MBOAT1: variants seen among roughly 807,000 people sequenced by gnomAD.
MBOAT1 encodes the protein membrane-bound glycerophospholipid O-acyltransferase 1.
In MBOAT1, 67 loss-of-function variants were observed where a neutral mutation model predicts 64.4. That is an observed-to-expected ratio of 1.04 (90% CI 0.85 to 1.27). MBOAT1 has a LOEUF of 1.27. Among genes scored for constraint, MBOAT1 ranks in the 50% most tolerant of loss-of-function variants. The pLI is 0.00. For missense variants in MBOAT1, 563 were observed against 604.6 expected, an observed-to-expected ratio of 0.93 and a Z score of 0.72; for synonymous variants, 229 against 218.9, an observed-to-expected ratio of 1.05 and a Z score of -0.41.
In MBOAT1 at chr6:20,212,177, G is replaced by C; in HGVS notation, c.58C>G (p.Leu20Val). The C allele has an allele frequency of 6.2e-7, 1 of 1,613,704 alleles. No individual in the cohort carries two copies. Among genetic ancestry groups the C allele is most frequent in the Non-Finnish European group, 8.5e-7 (1 of 1,179,902 alleles). ...LSYRTTGSTYLHPLSELLGIP... is the reference protein window; with the variant it reads ...LSYRTTGSTYVHPLSELLGIP... ...CCCAGGAGCTCGCTGAGCGGGTGCA[G>C]GTAGGTGGAGCCCGTGGTGCGGTAG... Residue 20 changes from leucine (L) to valine (V), a missense_variant, in exon 1 of 13, where the codon CTG (leucine) becomes GTG (valine). Physicochemically the swap from Leu to Val is conservative, Grantham distance 32. Coordinates refer to ENST00000324607, the MANE Select transcript of MBOAT1 (RefSeq NM_001080480.3).
At chr6:20,121,836 CAT>C (rs1760501303) in intron 8 of MBOAT1, among the ~76,000 whole-genome samples, 1 of 152,142 alleles carries the variant, frequency 6.6e-6, no homozygotes, top group African/African-American at 2.4e-5. Context: ...CACACACACA[CAT>C]ACACATTCAC....
At position 20,212,251 on chromosome 6, in the gene MBOAT1, G is replaced by A; in HGVS notation, c.-17C>T. The A allele has an allele frequency of 6.2e-7, 1 of 1,606,406 alleles. No homozygotes were observed. The highest frequency in any genetic ancestry group is 8.5e-7 in the Non-Finnish European group (1 of 1,177,366). The stretch of plus-strand genomic sequence containing the variant: ...TGCTGCCATCCTGCATCTTCGGGAG[G>A]TGGCTGCCCCTGTCCCAGCCCGCAA... On this transcript the variant is annotated 5_prime_UTR_variant, in exon 1 of 13. Coordinates refer to ENST00000324607, the MANE Select transcript of MBOAT1 (RefSeq NM_001080480.3).
intron 1 of MBOAT1, among the ~76,000 whole-genome samples, chr6:20,164,200 C>T (rs879368702): frequency 1.4e-5 from 2 of 147,284 alleles, no homozygotes; most frequent in Non-Finnish European, 3.0e-5. Context: ...CACACACACA[C>T]ACACAAACAC....
rs1268706534 is a variant in MBOAT1 at position 20,197,101 on chromosome 6, C to T, written c.99+15035G>A. Among the ~76,000 whole-genome samples the T allele has an allele frequency of 5.0e-5, 7 of 139,908 alleles. No individual in the cohort carries two copies. The East Asian group carries it at 1.4e-3, about 29-fold the overall frequency. The allele number at this position is 139,908 out of a possible 152,430, so 91.8% of individuals were successfully genotyped here. A position where few individuals can be genotyped will look rare whatever the true frequency, so the allele number is the denominator to read the frequency against. On this transcript the variant is annotated intron_variant, in intron 1 of 12. Coordinates refer to ENST00000324607, the MANE Select transcript of MBOAT1 (RefSeq NM_001080480.3). Reference sequence around the variant, plus strand: ...CCAGGGTGAGATGTATATGAAACCTCTCCATACTATCTTTACAAATTTTTT... The same window carrying T: ...CCAGGGTGAGATGTATATGAAACCTTTCCATACTATCTTTACAAATTTTTT...
intron 9 of MBOAT1, among the ~76,000 whole-genome samples, chr6:20,115,642 A>C (rs527751789): frequency 3.3e-5 from 5 of 152,236 alleles, no homozygotes; most frequent in Non-Finnish European, 5.9e-5. Context: ...TACTCTGGTT[A>C]AAATTTTTTA....
rs1456555119 is a variant in MBOAT1 at position 20,144,293 on chromosome 6, C to G, written c.346G>C (p.Gly116Arg). 6.2e-7 allele frequency: 1 copy of G among 1,610,546 alleles called. No homozygotes were observed. The highest frequency in any genetic ancestry group is 2.2e-5 in the East Asian group (1 of 44,810). Reference protein sequence around the residue: ...IHRYSFFVAMGYLTICHISRI... With the variant: ...IHRYSFFVAMRYLTICHISRI... Reference sequence around the variant, plus strand: ...CTGATGTGGCATATTGTAAGATATCCCATTGCTACAAAAAAGGAATATCTG... The same window carrying G: ...CTGATGTGGCATATTGTAAGATATCGCATTGCTACAAAAAAGGAATATCTG... The change falls in exon 4 of 13, where the codon GGA becomes CGA. Residue 116 changes from glycine (G) to arginine (R), a missense_variant. Coordinates refer to ENST00000324607, the MANE Select transcript of MBOAT1 (RefSeq NM_001080480.3).
intron 1 of MBOAT1, among the ~76,000 whole-genome samples, chr6:20,194,519 G>A (rs1408575346): frequency 6.6e-6 from 1 of 152,184 alleles, no homozygotes; most frequent in African/African-American, 2.4e-5. Flanking sequence ...TCAGAGACAG[G>A]GGTTAAGGGT....
At position 20,192,421 on chromosome 6, in the gene MBOAT1, C is replaced by T. The variant is rs1329842050; in HGVS notation, c.99+19715G>A. ...CCAAATTTTCCTTCCAAACACCACCCACACCCTCCTCACTGCCCAGGCATC... is the reference window on the plus strand; with the variant it reads ...CCAAATTTTCCTTCCAAACACCACCTACACCCTCCTCACTGCCCAGGCATC... On this transcript the variant is annotated intron_variant, in intron 1 of 12. Transcript: ENST00000324607. 7.2e-5 allele frequency among the ~76,000 whole-genome samples: 11 copies of T among 152,290 alleles called. No individual in the cohort carries two copies. In the East Asian group the frequency reaches 1.9e-3, roughly 27 times the overall value.
At chr6:20,175,222 GCTT>G (rs1172371178) in intron 1 of MBOAT1, among the ~76,000 whole-genome samples, 1 of 152,124 alleles carries the variant, frequency 6.6e-6, no homozygotes, top group Non-Finnish European at 1.5e-5. Flanking sequence ...CATAGACACT[GCTT>G]CTTTTTAAGT....
At chr6:20,202,622 A>G (rs530258318) in intron 1 of MBOAT1, among the ~76,000 whole-genome samples, 11 of 149,686 alleles carry the variant, frequency 7.3e-5, no homozygotes, top group Admixed American at 6.0e-4. Flanking sequence ...TTTTTTTTGG[A>G]TAACTAAAAA....
At chr6:20,142,719 G>A (rs939482948) in intron 4 of MBOAT1, among the ~76,000 whole-genome samples, 2 of 152,072 alleles carry the variant, frequency 1.3e-5, no homozygotes, top group African/African-American at 2.4e-5. Flanking sequence ...CAAAGTGCTG[G>A]AATTATAGGC....
At position 20,124,528 on chromosome 6, in the gene MBOAT1, G is replaced by C. The variant is rs760558188; in HGVS notation, c.787C>G (p.Pro263Ala). 8 of 1,614,222 alleles carry C rather than the reference G, an allele frequency of 5.0e-6. No homozygotes were observed. The highest frequency in any genetic ancestry group is 5.9e-6 in the Non-Finnish European group (7 of 1,180,038). The change falls in exon 8 of 13, where the codon CCT (proline) becomes GCT (alanine). Residue 263 changes from proline (P) to alanine (A), a missense_variant. By Grantham distance (27) the Pro-to-Ala change is conservative (BLOSUM62 -1). Coordinates refer to ENST00000324607, the MANE Select transcript of MBOAT1 (RefSeq NM_001080480.3). ...CAGTCATCCACAAGGCAGGTGACAG[G>C]AAAGGTCTTCGTTAGCGTCAAAAAC... ...LLFLTLTKTF[P>A]VTCLVDDWFV... is the part of the protein sequence containing the mutation.
intron 4 of MBOAT1, among the ~76,000 whole-genome samples, chr6:20,134,890 G>A (rs539470454): frequency 4.2e-4 from 60 of 141,900 alleles, no homozygotes; most frequent in Non-Finnish European, 7.1e-4. Flanking sequence ...GTTTATGATT[G>A]GAATTCATGT....
At chr6:20,139,798 T>TC (rs934343707) in intron 4 of MBOAT1, among the ~76,000 whole-genome samples, 4 of 150,482 alleles carry the variant, frequency 2.7e-5, no homozygotes, top group Non-Finnish European at 5.9e-5. Context: ...CAAATGATCC[T>TC]CCCACCTCAG....
chr6:20,104,659 G>A (rs1377782183), intron 12 of MBOAT1, among the ~76,000 whole-genome samples: 1 of 152,176 alleles, frequency 6.6e-6, no homozygotes, highest in Non-Finnish European at 1.5e-5. Context: ...ATGTTGGGAG[G>A]GAGGAAAGCA....
intron 1 of MBOAT1, among the ~76,000 whole-genome samples, chr6:20,202,926 T>A: frequency 6.6e-6 from 1 of 152,232 alleles, no homozygotes; most frequent in East Asian, 1.9e-4. Context: ...ATAAACTGAA[T>A]TCTTTATACA....
chr6:20,153,203 T>C (rs933873624), intron 1 of MBOAT1, among the ~76,000 whole-genome samples: 14 of 152,248 alleles, frequency 9.2e-5, no homozygotes, highest in African/African-American at 2.9e-4. Context: ...TTCTCCCCAA[T>C]AGATTGTTTG....
chr6:20,130,424 G>A (rs2483759), intron 5 of MBOAT1, among the ~76,000 whole-genome samples: 48,846 of 151,880 alleles, frequency 0.32, 8,137 homozygotes, highest in East Asian at 0.5. Flanking sequence ...CGCGATCTCG[G>A]CTCACTGCAA....
intron 5 of MBOAT1, 124 bp from the exon 6 acceptor site, chr6:20,128,877 G>A (rs1760736031): frequency 1.5e-6 from 1 of 684,054 alleles, no homozygotes; most frequent in South Asian, 2.1e-5. Context: ...ATCATAAAGA[G>A]TTCCTGTTTT....
Sources: allele counts gnomAD v4.1 joint callset (sites outside exome capture counted in the v4.1 genomes callset), GRCh38; gene constraint gnomAD v4.1.1; transcripts MANE v1.5; gene names NCBI Gene and HGNC (gene_info 2026-07-23, HGNC 2026-07-21).